PLA1A: variants seen among roughly 807,000 people sequenced by gnomAD.
PLA1A encodes phospholipase A1 member A, also known as phosphatidylserine-specific phospholipase A1alpha.
In PLA1A, 47 loss-of-function variants were observed where a neutral mutation model predicts 49.4. The ratio of observed to expected loss-of-function variants is 0.95; its 90% confidence interval spans 0.75 to 1.21. The LOEUF is 1.21. PLA1A is among the 50% of genes most tolerant of loss of function. The pLI is 0.00. For synonymous variants in PLA1A, 224 were observed against 207.9 expected, an observed-to-expected ratio of 1.08 and a Z score of -0.67; for missense variants, 561 against 563.9, an observed-to-expected ratio of 0.99 and a Z score of 0.05.
At chr3:119,618,324 C>T (rs886632067) in intron 7 of PLA1A, 138 bp downstream of exon 7, 2 of 772,240 alleles carry the variant, frequency 2.6e-6, no homozygotes, top group Non-Finnish European at 4.3e-6. Flanking sequence ...CAATGAGGTG[C>T]TCAGCCTGTT....
rs189413985 is a variant in PLA1A at position 119,597,945 on chromosome 3, G to C, written c.32G>C (p.Trp11Ser). 8.6e-5 allele frequency: 138 copies of C among 1,611,048 alleles called. 1 individual carries two copies. The African/African-American group carries it at 1.0e-3, about 12-fold the overall frequency. ...CCAGGTCCCTGGGAGAGCTGCTTCT[G>C]GGTGGGGGGCCTCATTTTGTGGCTC... MPPGPWESCFWVGGLILWLSV... is the reference protein window; with the variant it reads MPPGPWESCFSVGGLILWLSV... The change falls in exon 1 of 11, where the codon TGG becomes TCG. Residue 11 changes from tryptophan (W) to serine (S), a missense_variant. Trp to Ser is a radical substitution (Grantham distance 177, BLOSUM62 -3). Coordinates refer to ENST00000273371, the MANE Select transcript of PLA1A (RefSeq NM_015900.4).
chr3:119,624,450 T>C (rs1447963769), intron 8 of PLA1A, among the ~76,000 whole-genome samples: 2 of 152,192 alleles, frequency 1.3e-5, no homozygotes, highest in African/African-American at 4.8e-5. Context: ...GATAGCCGTA[T>C]ATGATAGATG....
intron 1 of PLA1A, among the ~76,000 whole-genome samples, chr3:119,599,805 G>A (rs995413887): frequency 6.6e-6 from 1 of 152,194 alleles, no homozygotes; most frequent in African/African-American, 2.4e-5. Flanking sequence ...TACCCAGTGA[G>A]GCATTCTCTA....
chr3:119,623,596 AG>A (rs1424968944), intron 8 of PLA1A, among the ~76,000 whole-genome samples: 1 of 152,136 alleles, frequency 6.6e-6, no homozygotes, highest in African/African-American at 2.4e-5. Context: ...GATGCCACAT[AG>A]GTAACCAGCG....
chr3:119,629,443 G>A lies in PLA1A; in HGVS notation c.1346G>A (p.Cys449Tyr). ...TTACAAGCAAGTGTGACTGTTTCCT[G>A]TGACCTGAAGATAGCCTGTGTGTAG... is the stretch of plus-strand genomic sequence containing the variant. ...VNLQASVTVS[C>Y]DLKIACV is the part of the protein sequence containing the mutation. The change falls in exon 11 of 11, where the codon TGT becomes TAT. Residue 449 changes from cysteine (C) to tyrosine (Y), a missense_variant. Coordinates refer to ENST00000273371, the MANE Select transcript of PLA1A (RefSeq NM_015900.4). 1 of 1,607,928 alleles carries A rather than the reference G, an allele frequency of 6.2e-7. No individual in the cohort carries two copies. The highest frequency in any genetic ancestry group is 8.5e-7 in the Non-Finnish European group (1 of 1,175,110).
At chr3:119,600,421 T>G (rs1458194062) in intron 1 of PLA1A, 7 of 702,854 alleles carry the variant, frequency 1.0e-5, no homozygotes, top group Non-Finnish European at 1.8e-5. Flanking sequence ...GGTCTTTCTT[T>G]GTGTTCTCTC....
Position 119,625,074 on chromosome 3 carries a change from A to G in PLA1A, c.1013-50A>G, listed in dbSNP as rs1001931243. On this transcript the variant is annotated intron_variant, in intron 8 of 10. Coordinates refer to ENST00000273371, the MANE Select transcript of PLA1A (RefSeq NM_015900.4). ...CTGCTGCTCTCTGGGGTTTTTGCCC[A>G]TTGCACCTTCTGCCCTCTGGCCAGT... 6 of 1,217,632 alleles carry G rather than the reference A, an allele frequency of 4.9e-6. No individual in the cohort carries two copies. The African/African-American group carries it at 5.9e-5, about 12-fold the overall frequency. The allele number at this position is 1,217,632 out of a possible 1,614,324, so 75.4% of individuals were successfully genotyped here.
Position 119,608,850 on chromosome 3 carries a change from T to G in PLA1A, c.356T>G (p.Val119Gly), listed in dbSNP as rs528036437. The G allele has an allele frequency of 6.2e-7, 1 of 1,613,700 alleles. No homozygotes were observed. The highest frequency in any genetic ancestry group is 1.1e-5 in the South Asian group (1 of 91,076). ...LRATNANVIAVDWIYGSTGVY... is the reference protein window; with the variant it reads ...LRATNANVIAGDWIYGSTGVY... Reference sequence around the variant, plus strand: ...GCAACGAATGCTAATGTGATTGCCGTGGACTGGATTTATGGGTCTACAGGA... The same window carrying G: ...GCAACGAATGCTAATGTGATTGCCGGGGACTGGATTTATGGGTCTACAGGA... The change falls in exon 3 of 11, where the codon GTG becomes GGG. Residue 119 changes from valine to glycine, a missense_variant. By Grantham distance (109) the Val-to-Gly change is moderately radical. Coordinates refer to ENST00000273371, the MANE Select transcript of PLA1A (RefSeq NM_015900.4).
rs1388954859 is a variant in PLA1A at position 119,606,766 on chromosome 3, T to C, written c.74-8T>C. The stretch of plus-strand genomic sequence containing the variant: ...GGATGTTGCTTGTTTTGTTTTGTTT[T>C]CCTCCAGGGGATGCACCTCCTACCC... On this transcript the variant is annotated splice_region_variant and splice_polypyrimidine_tract_variant and intron_variant, in intron 1 of 10. Coordinates refer to ENST00000273371, the MANE Select transcript of PLA1A (RefSeq NM_015900.4). The C allele has an allele frequency of 1.9e-6, 3 of 1,611,936 alleles. No individual in the cohort carries two copies. Among genetic ancestry groups the C allele is most frequent in the Non-Finnish European group, 8.5e-7 (1 of 1,178,588 alleles).
intron 4 of PLA1A, among the ~76,000 whole-genome samples, chr3:119,612,614 G>A (rs939740633): frequency 2.0e-5 from 3 of 151,804 alleles, no homozygotes; most frequent in Admixed American, 1.3e-4. Context: ...TCAGCCTCCC[G>A]AGTCGCTGGA....
intron 2 of PLA1A, among the ~76,000 whole-genome samples, chr3:119,607,624 C>A (rs1366254584): frequency 2.6e-5 from 4 of 152,202 alleles, no homozygotes; most frequent in African/African-American, 9.7e-5. Flanking sequence ...CACAAAGGAC[C>A]ACCATTTCCT....
chr3:119,603,530 A>G (rs2082645206), intron 1 of PLA1A, among the ~76,000 whole-genome samples: 1 of 152,146 alleles, frequency 6.6e-6, no homozygotes, highest in Non-Finnish European at 1.5e-5. Context: ...TTTTATTTGG[A>G]ATTACTGTGG....
intron 9 of PLA1A, 93 bp from the exon 10 acceptor site, chr3:119,628,608 C>A (rs1027052784): frequency 2.4e-5 from 28 of 1,158,304 alleles, no homozygotes; most frequent in Non-Finnish European, 3.4e-5. Flanking sequence ...GACAGCCAAC[C>A]AGTGCCACCA....
chr3:119,608,402 A>G (rs2082723144), intron 2 of PLA1A, among the ~76,000 whole-genome samples: 1 of 152,224 alleles, frequency 6.6e-6, no homozygotes, highest in Non-Finnish European at 1.5e-5. Context: ...TTTTCCACAA[A>G]TAACACAAAT....
chr3:119,613,902 GA>G lies in PLA1A; in HGVS notation c.664+791del, dbSNP rs11455172. Among the ~76,000 whole-genome samples, 32 of 149,016 alleles carry G rather than the reference GA, an allele frequency of 2.1e-4. 1 individual carries two copies. The highest frequency in any genetic ancestry group is 1.2e-4 in the Non-Finnish European group (8 of 67,524). The stretch of plus-strand genomic sequence containing the variant: ...AGCGAGACTCTGTCTCCAAAAAAAA[GA>G]AAAAAAGAATCCCTTTTCCAATAGT... On this transcript the variant is annotated intron_variant, in intron 5 of 10. Transcript: ENST00000273371.
chr3:119,604,208 AAAG>A (rs903406059), intron 1 of PLA1A, among the ~76,000 whole-genome samples: 1 of 152,238 alleles, frequency 6.6e-6, no homozygotes, highest in Non-Finnish European at 1.5e-5. Context: ...TCAGAAAACT[AAAG>A]ATAGAACTTC....
Position 119,619,596 on chromosome 3 carries a change from C to T in PLA1A, c.956C>T (p.Pro319Leu), listed in dbSNP as rs752220356. 75 of 1,613,644 alleles carry T rather than the reference C, an allele frequency of 4.6e-5. No homozygotes were observed. The highest frequency in any genetic ancestry group is 6.2e-5 in the Non-Finnish European group (73 of 1,179,692). Residue 319 changes from proline to leucine, a missense_variant, in exon 8 of 11, where the codon CCG becomes CTG. Transcript: ENST00000273371. ...LVEQGGVKIE[P>L]LPKEVKVYLL... ...GAACAAGGTGGTGTCAAGATAGAGC[C>T]GCTCCCCAAGGAAGTGAAAGTCTAC...
In PLA1A at chr3:119,616,105, A is replaced by G; in HGVS notation, c.754+4A>G. On this transcript the variant is annotated splice_donor_region_variant and intron_variant, in intron 6 of 10. Transcript: ENST00000273371. ...TGCCCCACCTTCTTTTACGCAGGTC[A>G]GAAAGCCAGTACAATCTGGTATTTG... 1.3e-6 allele frequency: 2 copies of G among 1,595,954 alleles called. No individual in the cohort carries two copies. Among genetic ancestry groups the G allele is most frequent in the Non-Finnish European group, 1.7e-6 (2 of 1,163,516 alleles).
chr3:119,605,391 G>A (rs551060882), intron 1 of PLA1A, among the ~76,000 whole-genome samples: 1 of 152,286 alleles, frequency 6.6e-6, no homozygotes, highest in East Asian at 1.9e-4. Context: ...CACAGGTGGG[G>A]TTCCCACAAT....
Sources: gnomAD v4.1 joint callset for allele counts (sites outside exome capture counted in the v4.1 genomes callset) on GRCh38, gnomAD v4.1.1 for gene constraint, MANE v1.5 for transcripts, NCBI Gene and HGNC (gene_info 2026-07-23, HGNC 2026-07-21) for gene names.